Variants in PAPOLA observed in about 807,000 individuals in gnomAD.
The protein encoded by PAPOLA is polynucleotide adenylyltransferase alpha.
In PAPOLA, 15 loss-of-function variants were observed where a neutral mutation model predicts 100.6. That is an observed-to-expected ratio of 0.15 (90% CI 0.10 to 0.23). The LOEUF is 0.23. Ranked by LOEUF, PAPOLA falls within the 10% of genes least tolerant of loss-of-function variation. The pLI, the probability that PAPOLA is intolerant of heterozygous loss-of-function variation, is 1.00. For synonymous variants in PAPOLA, 293 were observed against 300.0 expected (o/e 0.98, Z 0.24); for missense variants, 533 against 884.2 (o/e 0.60, Z 5.04).
intron 9 of PAPOLA, 85 bp from the exon 10 acceptor site, chr14:96,534,406 G>A (rs1899341396): frequency 1.4e-5 from 21 of 1,554,974 alleles, no homozygotes; most frequent in Admixed American, 1.9e-5. Context: ...GAAGGATCAC[G>A]TTCACAAATG....
At chr14:96,502,623 T>G in intron 1 of PAPOLA, 23 bp downstream of exon 1, 1 of 1,569,590 alleles carries the variant, frequency 6.4e-7, no homozygotes, top group Non-Finnish European at 8.6e-7. Context: ...TATTCTGTTT[T>G]CTTTCGCTCG....
chr14:96,564,587 T>C (rs1218031141), intron 21 of PAPOLA, among the ~76,000 whole-genome samples: 1 of 152,078 alleles, frequency 6.6e-6, no homozygotes, highest in Admixed American at 6.6e-5. Flanking sequence ...TTGGGGGTGC[T>C]CCAATACTAG....
chr14:96,546,495 C>A (rs1446781771), intron 15 of PAPOLA, among the ~76,000 whole-genome samples: 4 of 152,104 alleles, frequency 2.6e-5, no homozygotes, highest in African/African-American at 9.7e-5. Flanking sequence ...GCCTGATCTG[C>A]CTTTTTCATT....
rs1899416048 is a variant in PAPOLA at position 96,535,243 on chromosome 14, A to G, written c.910-636A>G. 4 of 919,536 alleles carry G rather than the reference A, an allele frequency of 4.4e-6. No individual in the cohort carries two copies. The South Asian group carries it at 1.5e-4, about 35-fold the overall frequency. 57.0% of individuals were successfully genotyped at this position (919,536 alleles called of 1,614,324 possible). Reference sequence around the variant, plus strand: ...ATTATTACAATATCAAAAATTTTAAATTCTGTTGAATTACATCAAGCTATG... The same window carrying G: ...ATTATTACAATATCAAAAATTTTAAGTTCTGTTGAATTACATCAAGCTATG... On this transcript the variant is annotated intron_variant, in intron 10 of 21. Transcript: ENST00000216277.
intron 1 of PAPOLA, among the ~76,000 whole-genome samples, chr14:96,503,353 C>CT (rs1362597240): frequency 1.3e-5 from 2 of 151,426 alleles, no homozygotes; most frequent in African/African-American, 4.9e-5. Context: ...TCTGGTGATA[C>CT]TTTTTTTTTC....
At chr14:96,556,050 T>C in intron 18 of PAPOLA, 103 bp downstream of exon 18, 3 of 1,164,456 alleles carry the variant, frequency 2.6e-6, no homozygotes, top group Non-Finnish European at 1.3e-6. Context: ...TTCAGTTTTT[T>C]AAATGCCAGT....
intron 1 of PAPOLA, among the ~76,000 whole-genome samples, chr14:96,508,469 T>C (rs1020365594): frequency 6.6e-6 from 1 of 152,216 alleles, no homozygotes; most frequent in African/African-American, 2.4e-5. Context: ...AGGCAAGGTA[T>C]TGGAGTTGAG....
At chr14:96,522,424 T>A (rs1898080962) in intron 3 of PAPOLA, among the ~76,000 whole-genome samples, 1 of 152,002 alleles carries the variant, frequency 6.6e-6, no homozygotes, top group Non-Finnish European at 1.5e-5. Flanking sequence ...GTCCTCTTTT[T>A]TTTTTTGAGA....
chr14:96,508,435 A>G (rs1010298785), intron 1 of PAPOLA, among the ~76,000 whole-genome samples: 6 of 152,164 alleles, frequency 3.9e-5, no homozygotes, highest in Non-Finnish European at 2.9e-5. Context: ...TTTTCAGTCC[A>G]TATTTTTTGG....
chr14:96,564,998 C>T lies in PAPOLA; in HGVS notation c.2186C>T (p.Ala729Val), dbSNP rs768164022. The T allele has an allele frequency of 8.7e-6, 14 of 1,603,282 alleles. No individual in the cohort carries two copies. Among genetic ancestry groups the T allele is most frequent in the Non-Finnish European group, 1.2e-5 (14 of 1,170,286 alleles). The change falls in exon 22 of 22, where the codon GCA becomes GTA. Residue 729 changes from alanine to valine, a missense_variant. Ala to Val is a moderately conservative substitution (Grantham distance 64, BLOSUM62 0). Around this residue, in one of 9 missense-constraint regions of PAPOLA, gnomAD observed 242 missense variants for 281.0 expected, o/e 0.86. Coordinates refer to ENST00000216277, the MANE Select transcript of PAPOLA (RefSeq NM_032632.5). ...TDLSDIPALP[A>V]NPIPVIKNSI... ...CTTTCTGATATCCCTGCTCTCCCTG[C>T]AAATCCTATTCCTGTTATCAAGAAT...
At position 96,527,510 on chromosome 14, in the gene PAPOLA, A is replaced by C; in HGVS notation, c.412A>C (p.Lys138Gln). 1 of 1,597,570 alleles carries C rather than the reference A, an allele frequency of 6.3e-7. No homozygotes were observed. Among genetic ancestry groups the C allele is most frequent in the Non-Finnish European group, 8.6e-7 (1 of 1,165,070 alleles). ...TTTCACCTCATTCTATGATAAGTTG[A>C]AATTACAGGAAGAAGTAAAAGATTT... The part of the protein sequence containing the change: ...DFFTSFYDKL[K>Q]LQEEVKDLRA... Residue 138 changes from lysine (K) to glutamine (Q), a missense_variant, in exon 5 of 22, where the codon AAA becomes CAA. By Grantham distance (53) the Lys-to-Gln change is moderately conservative (BLOSUM62 1). Transcript: ENST00000216277.
chr14:96,502,812 TG>T, intron 1 of PAPOLA: 1 of 490,926 alleles, frequency 2.0e-6, no homozygotes, highest in Non-Finnish European at 3.5e-6. Context: ...CGACCCTTCC[TG>T]GCTGGGTCAG....
Position 96,565,680 on chromosome 14 carries a change from G to T in PAPOLA, c.*630G>T. The T allele has an allele frequency of 2.5e-6, 1 of 397,518 alleles. No homozygotes were observed. Among genetic ancestry groups the T allele is most frequent in the South Asian group, 1.3e-4 (1 of 7,706 alleles). The allele number at this position is 397,518 out of a possible 1,614,324, so 24.6% of individuals were successfully genotyped here. A position where few individuals can be genotyped will look rare whatever the true frequency, so the allele number is the denominator to read the frequency against. ...AATAGTTAGGAAATAACTTGGTTTT[G>T]ATAGGGTCATGATTAAGAAATGATA... On this transcript the variant is annotated 3_prime_UTR_variant, in exon 22 of 22. Coordinates refer to ENST00000216277, the MANE Select transcript of PAPOLA (RefSeq NM_032632.5).
intron 4 of PAPOLA, among the ~76,000 whole-genome samples, 185 bp downstream of exon 4, chr14:96,525,576 A>G (rs1318131811): frequency 6.6e-6 from 1 of 152,080 alleles, no homozygotes; most frequent in African/African-American, 2.4e-5. Flanking sequence ...GCCACTGTCC[A>G]AAAGTATTAT....
chr14:96,560,279 T>C (rs1901728496), intron 19 of PAPOLA, among the ~76,000 whole-genome samples: 2 of 152,072 alleles, frequency 1.3e-5, no homozygotes, highest in Non-Finnish European at 2.9e-5. Flanking sequence ...TGCCACTCTG[T>C]GTGAATCTCC....
At chr14:96,555,786 ATT>A (rs146485027) in intron 17 of PAPOLA, 59 bp from the exon 18 acceptor site, 33 of 800,024 alleles carry the variant, frequency 4.1e-5, no homozygotes, top group South Asian at 2.7e-4. Context: ...GATTATTGTA[ATT>A]TTTTTTTTAT....
intron 12 of PAPOLA, 118 bp from the exon 13 acceptor site, chr14:96,542,125 T>TCCC (rs929505790): frequency 1.8e-6 from 1 of 555,328 alleles, no homozygotes; most frequent in Admixed American, 3.4e-5. Context: ...GAGATTGTAG[T>TCCC]CCCCCTTGCT....
At chr14:96,532,019 G>A in intron 7 of PAPOLA, 3 of 1,245,196 alleles carry the variant, frequency 2.4e-6, no homozygotes, top group Non-Finnish European at 3.0e-6. Context: ...AGTGGATTAA[G>A]TCTTCCGCAG....
chr14:96,529,376 A>G (rs1180464613), intron 6 of PAPOLA, among the ~76,000 whole-genome samples: 1 of 151,714 alleles, frequency 6.6e-6, no homozygotes, highest in Non-Finnish European at 1.5e-5. Flanking sequence ...TTTTTTCTGT[A>G]GGTATGTTTA....
Sources: gnomAD v4.1 joint callset for allele counts (sites outside exome capture counted in the v4.1 genomes callset) on GRCh38, gnomAD v4.1.1 for gene constraint, gnomAD v4.1.1 regional missense constraint, MANE v1.5 for transcripts, NCBI Gene and HGNC (gene_info 2026-07-23, HGNC 2026-07-21) for gene names.